ANK3: variants seen among roughly 807,000 people sequenced by gnomAD.
ANK3 encodes the protein ankyrin 3, also known as ankyrin-3.
In ANK3, 57 loss-of-function variants were observed where a neutral mutation model predicts 370.9. That is an observed-to-expected ratio of 0.15 (90% confidence interval 0.12 to 0.19). The LOEUF (loss-of-function observed/expected upper bound fraction) is 0.19, where lower values mean the gene tolerates loss of function less well. Among genes scored for constraint, ANK3 ranks in the 10% least tolerant of loss-of-function variants. ANK3 has a pLI of 1.00. For synonymous variants in ANK3, 1,929 were observed against 1,946.3 expected, an observed-to-expected ratio of 0.99 and a Z score of 0.23; for missense variants, 4,439 against 5,302.1, an observed-to-expected ratio of 0.84 and a Z score of 5.06.
At chr10:60,313,877 C>G (rs1005417794) in intron 1 of ANK3, among the ~76,000 whole-genome samples, 1 of 151,994 alleles carries the variant, frequency 6.6e-6, no homozygotes, top group Admixed American at 6.6e-5. Flanking sequence ...AAAAATAGCA[C>G]CTCCAGCCTG....
chr10:60,483,186 A>G (rs1191572371), intron 2 of ANK3, among the ~76,000 whole-genome samples: 2 of 152,164 alleles, frequency 1.3e-5, no homozygotes, highest in African/African-American at 4.8e-5. Flanking sequence ...TGGTGTTTGG[A>G]AAAAGGCCTG....
intron 2 of ANK3, among the ~76,000 whole-genome samples, chr10:60,434,086 G>T (rs1381615922): frequency 6.6e-6 from 1 of 152,164 alleles, no homozygotes; most frequent in African/African-American, 2.4e-5. Context: ...ACTAATTTTA[G>T]AATACTTTAT....
chr10:60,240,605 A>G (rs2097439911), intron 7 of ANK3, among the ~76,000 whole-genome samples: 1 of 148,178 alleles, frequency 6.7e-6, no homozygotes, highest in Non-Finnish European at 1.5e-5. Context: ...CACCCAGTCA[A>G]TTTTTTTTGA....
intron 1 of ANK3, among the ~76,000 whole-genome samples, chr10:60,363,442 T>C (rs1298090917): frequency 6.6e-6 from 1 of 152,156 alleles, no homozygotes; most frequent in Non-Finnish European, 1.5e-5. Flanking sequence ...TGTATCTGGA[T>C]AGAGGCAAGA....
At chr10:60,672,656 T>A (rs1057454806) in intron 1 of ANK3, among the ~76,000 whole-genome samples, 11 of 152,196 alleles carry the variant, frequency 7.2e-5, no homozygotes, top group Admixed American at 2.0e-4. Context: ...AACCAGTAGA[T>A]GTGTTTCTCT....
In ANK3 at chr10:60,598,014, G is replaced by C. The variant is rs550193678; in HGVS notation, c.96+17172C>G. ...GATGCTAAAGAATATTCAATACATA[G>C]AGTTAATTATATTCCTAAAAATAAA... On this transcript the variant is annotated intron_variant, in intron 2 of 43. Coordinates refer to the ANK3 transcript ENST00000373827. Among the ~76,000 whole-genome samples the C allele has an allele frequency of 6.1e-4, 93 of 152,234 alleles. 2 individuals carry two copies. The South Asian group carries it at 0.018, about 29-fold the overall frequency.
At chr10:60,637,513 A>G (rs947042098) in intron 1 of ANK3, among the ~76,000 whole-genome samples, 2 of 152,222 alleles carry the variant, frequency 1.3e-5, no homozygotes, top group Non-Finnish European at 2.9e-5. Flanking sequence ...AAATTCTTCG[A>G]ACTAATAATT....
intron 43 of ANK3, among the ~76,000 whole-genome samples, chr10:60,034,953 T>TA (rs1283243361): frequency 6.6e-6 from 1 of 152,184 alleles, no homozygotes; most frequent in Non-Finnish European, 1.5e-5. Context: ...CTAATACCAA[T>TA]AAGTAGGGCT....
intron 8 of ANK3, among the ~76,000 whole-genome samples, chr10:60,222,099 T>C (rs1259995129): frequency 6.6e-6 from 1 of 152,192 alleles, no homozygotes; most frequent in Non-Finnish European, 1.5e-5. Context: ...TGACTTCAAG[T>C]GTCAGTCTCC....
chr10:60,396,693 G>A lies in ANK3; in HGVS notation c.97-117054C>T, dbSNP rs117347308. On this transcript the variant is annotated intron_variant, in intron 2 of 43. Coordinates refer to the ANK3 transcript ENST00000373827. ...TCTTCTGATAATTCAATAAACTCTC[G>A]TAATTTAATGTCTATATAGTAATTA... is the stretch of plus-strand genomic sequence containing the variant. Among the ~76,000 whole-genome samples the A allele has an allele frequency of 4.5e-4, 69 of 152,140 alleles. No homozygotes were observed. In the South Asian group the frequency reaches 6.8e-3, roughly 15 times the overall value.
chr10:60,109,128 G>A (rs7922387), intron 26 of ANK3, 74 bp from the exon 27 acceptor site: 291,650 of 1,175,846 alleles, frequency 0.25, 41,833 homozygotes, highest in East Asian at 0.66. Flanking sequence ...GAAATTAAAT[G>A]TTTAAGTTTA....
At chr10:60,234,464 G>C (rs111390524) in intron 8 of ANK3, among the ~76,000 whole-genome samples, 1 of 152,188 alleles carries the variant, frequency 6.6e-6, no homozygotes, top group African/African-American at 2.4e-5. Flanking sequence ...AAGAACTCTA[G>C]AACTTTTAAA....
intron 1 of ANK3, among the ~76,000 whole-genome samples, chr10:60,660,915 C>A (rs2078927381): frequency 6.6e-6 from 1 of 151,884 alleles, no homozygotes; most frequent in Non-Finnish European, 1.5e-5. Flanking sequence ...TTTAAATACA[C>A]ACTCACACAC....
chr10:60,441,253 C>T (rs948735426), intron 2 of ANK3, among the ~76,000 whole-genome samples: 2 of 152,054 alleles, frequency 1.3e-5, no homozygotes, highest in Non-Finnish European at 2.9e-5. Flanking sequence ...TCATTCCACT[C>T]CTGATTTTAG....
intron 1 of ANK3, among the ~76,000 whole-genome samples, chr10:60,652,221 C>A (rs1272050696): frequency 1.3e-5 from 2 of 151,938 alleles, no homozygotes; most frequent in Non-Finnish European, 2.9e-5. Context: ...CAGAGCAAGA[C>A]CTCGTCTCTA....
intron 2 of ANK3, among the ~76,000 whole-genome samples, chr10:60,449,506 A>C (rs2064540061): frequency 6.6e-6 from 1 of 152,198 alleles, no homozygotes; most frequent in African/African-American, 2.4e-5. Flanking sequence ...CGTCTCATTA[A>C]AAAGTATTCA....
intron 1 of ANK3, among the ~76,000 whole-genome samples, chr10:60,370,608 A>G (rs1229591403): frequency 6.6e-6 from 1 of 152,214 alleles, no homozygotes; most frequent in Non-Finnish European, 1.5e-5. Context: ...AGTTCTTATC[A>G]CAAAGATTGC....
In ANK3 at chr10:60,660,916, ACT is replaced by A. The variant is rs201362164; in HGVS notation, c.58-45694_58-45693del. Among the ~76,000 whole-genome samples, 126 of 152,022 alleles carry A rather than the reference ACT, an allele frequency of 8.3e-4. 1 individual carries two copies. The highest frequency in any genetic ancestry group is 6.8e-3 in the Middle Eastern group (2 of 294). On this transcript the variant is annotated intron_variant, in intron 1 of 43. Transcript: ENST00000373827. Reference sequence around the variant, plus strand: ...AAACCTCTCAGAGTTTTAAATACACACTCACACACACACACACACCCCACATC... The same window carrying A: ...AAACCTCTCAGAGTTTTAAATACACACACACACACACACACACCCCACATC...
chr10:60,138,225 T>C (rs1478586892), intron 24 of ANK3, among the ~76,000 whole-genome samples: 1 of 152,208 alleles, frequency 6.6e-6, no homozygotes, highest in Non-Finnish European at 1.5e-5. Flanking sequence ...CTCAGGGCTC[T>C]GGCTTAGAAG....
Sources: allele counts gnomAD v4.1 joint callset (sites outside exome capture counted in the v4.1 genomes callset), GRCh38; gene constraint gnomAD v4.1.1; transcripts MANE v1.5; gene names NCBI Gene and HGNC (gene_info 2026-07-23, HGNC 2026-07-21).